Variants in TNPO1 observed in about 807,000 individuals in gnomAD.
TNPO1 encodes transportin 1.
In TNPO1, 8 loss-of-function variants were observed where a neutral mutation model predicts 119.5. The observed-to-expected ratio is 0.07, with a 90% CI of 0.04 to 0.12. TNPO1 has a LOEUF of 0.12. Among genes scored for constraint, TNPO1 ranks in the 10% least tolerant of loss-of-function variants. TNPO1 has a pLI of 1.00. For synonymous variants in TNPO1, 362 were observed against 363.0 expected (o/e 1.00, Z 0.03); for missense variants, 576 against 1,089.8 (o/e 0.53, Z 6.64).
chr5:72,867,068 G>C (rs2112340081), intron 6 of TNPO1, among the ~76,000 whole-genome samples: 1 of 151,866 alleles, frequency 6.6e-6, no homozygotes, highest in African/African-American at 2.4e-5. Flanking sequence ...TATAGTCCTA[G>C]CTACTCTGGA....
At chr5:72,891,550 T>G (rs1000410317) in intron 14 of TNPO1, among the ~76,000 whole-genome samples, 2 of 152,142 alleles carry the variant, frequency 1.3e-5, no homozygotes, top group African/African-American at 4.8e-5. Context: ...ATTGATAGAC[T>G]CTTTTTTTCA....
At position 72,910,698 on chromosome 5, in the gene TNPO1, A is replaced by G. The variant is rs1224272976; in HGVS notation, c.*2025A>G. ...TCTAAAAGTGTTGAATGATACAGCC[A>G]TTGCACTGAAGTTTGAGCTGTGTGC... is the stretch of plus-strand genomic sequence containing the variant. On this transcript the variant is annotated 3_prime_UTR_variant, in exon 25 of 25. Coordinates refer to ENST00000337273, the MANE Select transcript of TNPO1 (RefSeq NM_002270.4). 1 of 152,356 alleles carries G rather than the reference A, an allele frequency of 6.6e-6. No individual in the cohort carries two copies. The highest frequency in any genetic ancestry group is 2.4e-5 in the African/African-American group (1 of 41,452). The allele number at this position is 152,356 out of a possible 1,614,324, so 9.4% of individuals were successfully genotyped here.
chr5:72,905,612 G>C, intron 24 of TNPO1, 167 bp downstream of exon 24: 1 of 362,576 alleles, frequency 2.8e-6, no homozygotes, highest in Non-Finnish European at 4.9e-6. Flanking sequence ...TTACTTAAGT[G>C]GGCCAGGTGT....
At chr5:72,854,030 A>G (rs1326583687) in intron 3 of TNPO1, among the ~76,000 whole-genome samples, 1 of 152,180 alleles carries the variant, frequency 6.6e-6, no homozygotes, top group Non-Finnish European at 1.5e-5. Context: ...AAAATTCTTC[A>G]TCTTGTAACC....
chr5:72,819,613 C>A (rs968343968), intron 1 of TNPO1, among the ~76,000 whole-genome samples: 2 of 151,994 alleles, frequency 1.3e-5, no homozygotes, highest in Non-Finnish European at 2.9e-5. Flanking sequence ...CATGCCAGAG[C>A]GAATATTACA....
chr5:72,889,721 T>G, intron 13 of TNPO1, 65 bp from the exon 14 acceptor site: 1 of 1,490,612 alleles, frequency 6.7e-7, no homozygotes, highest in Non-Finnish European at 9.0e-7. Context: ...CATAAACATT[T>G]TAGCAATTAA....
intron 23 of TNPO1, among the ~76,000 whole-genome samples, chr5:72,904,801 C>G (rs558120418): frequency 5.3e-5 from 8 of 152,038 alleles, no homozygotes; most frequent in African/African-American, 1.9e-4. Context: ...CTGTCCCCGC[C>G]ACACACACAA....
At chr5:72,839,176 C>T (rs541360879) in intron 1 of TNPO1, among the ~76,000 whole-genome samples, 1 of 152,114 alleles carries the variant, frequency 6.6e-6, no homozygotes, top group Non-Finnish European at 1.5e-5. Context: ...GTGGGACAAT[C>T]CCTAGTAAAG....
At chr5:72,892,110 A>T (rs1157056699) in intron 15 of TNPO1, among the ~76,000 whole-genome samples, 1 of 152,102 alleles carries the variant, frequency 6.6e-6, no homozygotes, top group Admixed American at 6.6e-5. Context: ...TATAGAGTAG[A>T]TAGCATACTA....
At chr5:72,817,279 G>A (rs1036845573) in intron 1 of TNPO1, among the ~76,000 whole-genome samples, 8 of 152,158 alleles carry the variant, frequency 5.3e-5, no homozygotes, top group African/African-American at 1.9e-4. Flanking sequence ...TCCTCCCGGC[G>A]GTTCTTTCTC....
rs1462740570 is a variant in TNPO1, at chr5:72,822,101, C to G, written c.15+5349C>G. On this transcript the variant is annotated intron_variant, in intron 1 of 24. Coordinates refer to ENST00000337273, the MANE Select transcript of TNPO1 (RefSeq NM_002270.4). ...CCTACTGAGCCTTATGTCACCCTAT[C>G]ATGAGCCATTGAAAGATATGAAACG... Among the ~76,000 whole-genome samples, 5 of 152,148 alleles carry G rather than the reference C, an allele frequency of 3.3e-5. 1 individual carries two copies. Among genetic ancestry groups the G allele is most frequent in the South Asian group, 4.1e-4 (2 of 4,832 alleles).
At chr5:72,874,198 A>G (rs903881309) in intron 7 of TNPO1, among the ~76,000 whole-genome samples, 6 of 152,170 alleles carry the variant, frequency 3.9e-5, no homozygotes, top group Non-Finnish European at 7.4e-5. Flanking sequence ...CTACCCTACA[A>G]AAACAGTAAA....
At chr5:72,861,437 C>T (rs1301222817) in intron 4 of TNPO1, among the ~76,000 whole-genome samples, 2 of 152,146 alleles carry the variant, frequency 1.3e-5, no homozygotes, top group Non-Finnish European at 2.9e-5. Context: ...CAGGGTCTCA[C>T]TCTGCCCAGG....
At chr5:72,848,689 G>A (rs1745291752) in intron 2 of TNPO1, among the ~76,000 whole-genome samples, 191 bp downstream of exon 2, 1 of 148,376 alleles carries the variant, frequency 6.7e-6, no homozygotes. Flanking sequence ...ACGCGGCCCT[G>A]GTGCCTGGGC....
At chr5:72,852,865 A>G (rs1745686098) in intron 3 of TNPO1, among the ~76,000 whole-genome samples, 1 of 152,208 alleles carries the variant, frequency 6.6e-6, no homozygotes, top group Admixed American at 6.5e-5. Flanking sequence ...TCAACAATTA[A>G]TATTCCTAGT....
intron 8 of TNPO1, 105 bp from the exon 9 acceptor site, chr5:72,877,117 ATTGCCT>A: frequency 2.2e-6 from 1 of 449,088 alleles, no homozygotes; most frequent in South Asian, 4.3e-5. Flanking sequence ...AAAAAAAAAA[ATTGCCT>A]AGGTTGAAAA....
chr5:72,908,111 ATTTG>A (rs1411928427), intron 24 of TNPO1, among the ~76,000 whole-genome samples: 1 of 152,048 alleles, frequency 6.6e-6, no homozygotes, highest in East Asian at 1.9e-4. Context: ...TTTATGTAGA[ATTTG>A]TTTGTTGATA....
At chr5:72,824,914 C>T (rs1369607063) in intron 1 of TNPO1, among the ~76,000 whole-genome samples, 1 of 152,184 alleles carries the variant, frequency 6.6e-6, no homozygotes, top group Non-Finnish European at 1.5e-5. Flanking sequence ...AACTTTCTCC[C>T]CAATGCCTGC....
rs556874519 is a variant in TNPO1 at position 72,871,560 on chromosome 5, A to G, written c.597-1079A>G. Among the ~76,000 whole-genome samples the G allele has an allele frequency of 2.0e-4, 30 of 152,334 alleles. No homozygotes were observed. The South Asian group carries it at 2.3e-3, about 12-fold the overall frequency. Reference sequence around the variant, plus strand: ...TCATACAGTCATGAGTACAATGGAAAAATAATGAGATCAGGGATAGACAGT... The same window carrying G: ...TCATACAGTCATGAGTACAATGGAAGAATAATGAGATCAGGGATAGACAGT... On this transcript the variant is annotated intron_variant, in intron 6 of 24. Coordinates refer to ENST00000337273, the MANE Select transcript of TNPO1 (RefSeq NM_002270.4).
Sources: allele counts gnomAD v4.1 joint callset (sites outside exome capture counted in the v4.1 genomes callset), GRCh38; gene constraint gnomAD v4.1.1; transcripts MANE v1.5; gene names NCBI Gene and HGNC (gene_info 2026-07-23, HGNC 2026-07-21).